PSD3: variants seen among roughly 807,000 people sequenced by gnomAD.
PSD3 encodes the protein pleckstrin and Sec7 domain containing 3, also known as PH and SEC7 domain-containing protein 3.
A neutral mutation model predicts 105.5 loss-of-function variants in PSD3; 49 were observed. That is an observed-to-expected ratio of 0.46 (90% CI 0.37 to 0.59). The LOEUF is 0.59. Ranked by LOEUF, PSD3 falls within the 20% of genes least tolerant of loss-of-function variation. The pLI, the probability that PSD3 is intolerant of heterozygous loss-of-function variation, is 0.00. For synonymous variants in PSD3, 557 were observed against 457.8 expected (o/e 1.22, Z -2.77); for missense variants, 1,561 against 1,263.8 (o/e 1.24, Z -3.57).
At chr8:18,564,625 T>C (rs1329118559) in intron 14 of PSD3, among the ~76,000 whole-genome samples, 2 of 127,072 alleles carry the variant, frequency 1.6e-5, no homozygotes, top group African/African-American at 6.4e-5. Flanking sequence ...TGAGACCTTG[T>C]CTCAAAAAAA....
chr8:18,808,925 C>G, intron 4 of PSD3: 2 of 1,489,676 alleles, frequency 1.3e-6, no homozygotes, highest in Admixed American at 5.3e-5. Flanking sequence ...CTACTATGAC[C>G]TCACATTCTC....
At chr8:18,938,050 A>G (rs1822267167) in intron 1 of PSD3, among the ~76,000 whole-genome samples, 1 of 152,198 alleles carries the variant, frequency 6.6e-6, no homozygotes. Context: ...GCTCAAGGAA[A>G]GGACGGAGCA....
At chr8:19,063,374 C>G (rs142373733) in intron 1 of PSD3, among the ~76,000 whole-genome samples, 85 of 152,290 alleles carry the variant, frequency 5.6e-4, no homozygotes, top group African/African-American at 1.9e-3. Context: ...AGAGGTAGTA[C>G]AGAATAGCAA....
intron 4 of PSD3, among the ~76,000 whole-genome samples, chr8:18,822,364 C>A (rs990525329): frequency 3.9e-5 from 6 of 152,156 alleles, no homozygotes; most frequent in African/African-American, 1.4e-4. Context: ...GACAGCAGAA[C>A]CAACCTGTGT....
At chr8:18,843,359 C>T (rs1814815232) in intron 4 of PSD3, among the ~76,000 whole-genome samples, 1 of 151,480 alleles carries the variant, frequency 6.6e-6, no homozygotes, top group Admixed American at 6.6e-5. Context: ...AGTTATTGCT[C>T]TAGGTAGACA....
intron 12 of PSD3, among the ~76,000 whole-genome samples, chr8:18,598,578 C>T (rs905621506): frequency 1.2e-4 from 19 of 152,054 alleles, no homozygotes; most frequent in Admixed American, 2.6e-4. Flanking sequence ...TGCAGGAAAG[C>T]GATGATATTA....
At chr8:18,683,416 G>C (rs1485630958) in intron 9 of PSD3, among the ~76,000 whole-genome samples, 2 of 152,200 alleles carry the variant, frequency 1.3e-5, no homozygotes, top group East Asian at 1.9e-4. Flanking sequence ...CTGTATTCCT[G>C]ATGTTCTAAA....
intron 1 of PSD3, among the ~76,000 whole-genome samples, chr8:19,022,099 G>C (rs1586637867): frequency 6.6e-6 from 1 of 152,110 alleles, no homozygotes; most frequent in South Asian, 2.1e-4. Context: ...AGAAGGGTTG[G>C]GGGGAGGTAC....
intron 8 of PSD3, among the ~76,000 whole-genome samples, chr8:18,788,939 G>GTTTTAA (rs1563269269): frequency 1.1e-4 from 16 of 151,984 alleles, no homozygotes; most frequent in African/African-American, 3.6e-4. Flanking sequence ...GGCAAAGGAG[G>GTTTTAA]ACCCTTTGTA....
intron 1 of PSD3, among the ~76,000 whole-genome samples, chr8:19,068,210 A>G (rs1038369986): frequency 6.6e-6 from 1 of 150,918 alleles, no homozygotes; most frequent in Non-Finnish European, 1.5e-5. Context: ...GGTGGAATTG[A>G]CATGGGGGAA....
chr8:18,649,381 G>A (rs906348425), intron 10 of PSD3, among the ~76,000 whole-genome samples: 2 of 152,212 alleles, frequency 1.3e-5, no homozygotes, highest in South Asian at 2.1e-4. Context: ...TCCTGCCGGG[G>A]TTTCGGACTT....
chr8:18,530,252 C>T lies in PSD3; in HGVS notation c.*5491G>A, dbSNP rs963556731. On this transcript the variant is annotated 3_prime_UTR_variant, in exon 16 of 16. Coordinates refer to ENST00000327040, the MANE Select transcript of PSD3 (RefSeq NM_015310.4). The stretch of plus-strand genomic sequence containing the variant: ...AAGCAGTAAGCTCAAACAACTAAGG[C>T]CAGTGGCTCTTCTTTGGGGAGAGGC... 6.6e-6 allele frequency: 1 copy of T among 152,578 alleles called. No individual in the cohort carries two copies. Among genetic ancestry groups the T allele is most frequent in the Non-Finnish European group, 1.5e-5 (1 of 68,032 alleles). The allele number at this position is 152,578 out of a possible 1,614,324, so 9.5% of individuals were successfully genotyped here.
intron 1 of PSD3, among the ~76,000 whole-genome samples, chr8:18,981,957 T>C (rs1825271729): frequency 6.6e-6 from 1 of 152,186 alleles, no homozygotes. Flanking sequence ...GTTTGTCACA[T>C]CAATGGTCTC....
intron 11 of PSD3, among the ~76,000 whole-genome samples, chr8:18,606,019 G>A (rs1359927586): frequency 1.3e-5 from 2 of 152,140 alleles, no homozygotes; most frequent in African/African-American, 4.8e-5. Flanking sequence ...TTCTTCAGAT[G>A]AGTGTGAGAA....
intron 4 of PSD3, among the ~76,000 whole-genome samples, chr8:18,842,460 G>A (rs1444543099): frequency 1.3e-5 from 2 of 152,192 alleles, no homozygotes; most frequent in African/African-American, 4.8e-5. Flanking sequence ...TTGGCCGGGC[G>A]CGGTGGCTCA....
At chr8:18,774,488 G>C (rs948699745) in intron 8 of PSD3, 6 of 226,548 alleles carry the variant, frequency 2.6e-5, no homozygotes, top group Admixed American at 1.6e-4. Flanking sequence ...CTGTATTTTT[G>C]TGCCCATTAA....
chr8:18,764,992 G>T (rs1806853759), intron 9 of PSD3, among the ~76,000 whole-genome samples: 1 of 152,114 alleles, frequency 6.6e-6, no homozygotes, highest in African/African-American at 2.4e-5. Flanking sequence ...AAATAATTCA[G>T]GCATTCTACA....
intron 9 of PSD3, among the ~76,000 whole-genome samples, chr8:18,757,464 A>G (rs991408630): frequency 6.6e-6 from 1 of 152,062 alleles, no homozygotes; most frequent in African/African-American, 2.4e-5. Flanking sequence ...ACTCCGTTGC[A>G]AACAAACAAA....
At chr8:19,012,262 C>T (rs375787373) in intron 1 of PSD3, among the ~76,000 whole-genome samples, 2 of 152,146 alleles carry the variant, frequency 1.3e-5, no homozygotes, top group African/African-American at 2.4e-5. Context: ...GACATCCAGC[C>T]AGCCACTAAA....
Sources: allele counts gnomAD v4.1 joint callset (sites outside exome capture counted in the v4.1 genomes callset), GRCh38; gene constraint gnomAD v4.1.1; transcripts MANE v1.5; gene names NCBI Gene and HGNC (gene_info 2026-07-23, HGNC 2026-07-21).